The following CACNA1S variants were observed in gnomAD, a reference collection of about 807,000 sequenced individuals.
CACNA1S encodes the protein voltage-dependent L-type calcium channel subunit alpha-1S.
CACNA1S carries 126 observed loss-of-function variants against 207.4 expected under a neutral mutation model. The observed-to-expected ratio is 0.61, with a 90% confidence interval of 0.53 to 0.70. CACNA1S has a LOEUF of 0.70. Among genes scored for constraint, CACNA1S ranks in the 30% least tolerant of loss-of-function variants. CACNA1S has a pLI of 0.00. For synonymous variants in CACNA1S, 960 were observed against 932.7 expected (o/e 1.03, Z -0.53); for missense variants, 2,349 against 2,422.8 (o/e 0.97, Z 0.64).
Position 201,051,116 on chromosome 1 carries a change from C to G in CACNA1S, c.3981G>C (p.Glu1327Asp). Residue 1327 changes from glutamate (E) to aspartate (D), a missense_variant, in exon 33 of 44, where the codon GAG becomes GAC. Glu to Asp is a conservative substitution (Grantham distance 45, BLOSUM62 2). Transcript: ENST00000362061. ...FRCATGEAWQ[E>D]ILLACSYGKL... Reference sequence around the variant, plus strand: ...TCCCATAGCTGCAGGCCAGTAGGATCTCCTGCCAGGCCTCACCTGTTGCAC... The same window carrying G: ...TCCCATAGCTGCAGGCCAGTAGGATGTCCTGCCAGGCCTCACCTGTTGCAC... 2.5e-6 allele frequency: 4 copies of G among 1,614,244 alleles called. No homozygotes were observed. Among genetic ancestry groups the G allele is most frequent in the Non-Finnish European group, 3.4e-6 (4 of 1,180,040 alleles).
intron 2 of CACNA1S, among the ~76,000 whole-genome samples, chr1:201,102,332 A>G (rs974229989): frequency 3.9e-5 from 6 of 152,170 alleles, no homozygotes; most frequent in African/African-American, 1.2e-4. Flanking sequence ...GGCTTCCCAC[A>G]TACAACCACT....
intron 28 of CACNA1S, among the ~76,000 whole-genome samples, chr1:201,054,985 CG>C (rs1660788928): frequency 1.3e-5 from 2 of 152,286 alleles, no homozygotes; most frequent in South Asian, 4.1e-4. Flanking sequence ...GGCCAGGGTC[CG>C]GGCCCCTGTG....
rs7549030 is a variant in CACNA1S, at chr1:201,076,897, G to T, written c.1827+23C>A. On this transcript the variant is annotated intron_variant, in intron 12 of 43. Transcript: ENST00000362061. ...GGATTCAGCAACCGTTCAGAAGGAG[G>T]GACACGCAGAGGGAGAGCCTACCTG... 0.067 allele frequency: 107,121 copies of T among 1,602,156 alleles called. 3,968 individuals carry two copies. Among genetic ancestry groups the T allele is most frequent in the African/African-American group, 0.079 (5,931 of 74,836 alleles).
intron 2 of CACNA1S, among the ~76,000 whole-genome samples, chr1:201,108,275 CA>C (rs1307741788): frequency 1.3e-5 from 2 of 151,936 alleles, no homozygotes; most frequent in East Asian, 3.9e-4. Context: ...CCCGCTAATT[CA>C]ATTTTTGTAG....
At chr1:201,052,393 G>A (rs1220039650) in intron 32 of CACNA1S, among the ~76,000 whole-genome samples, 164 bp downstream of exon 32, 4 of 152,142 alleles carry the variant, frequency 2.6e-5, no homozygotes, top group African/African-American at 7.2e-5. Context: ...AGGCAGTGAC[G>A]GCAGAGCATG....
intron 13 of CACNA1S, among the ~76,000 whole-genome samples, chr1:201,074,945 G>A (rs1304802493): frequency 3.9e-5 from 6 of 152,188 alleles, no homozygotes; most frequent in South Asian, 2.1e-4. Flanking sequence ...GGGGAACAAC[G>A]GTGCCCTTCC....
intron 10 of CACNA1S, among the ~76,000 whole-genome samples, chr1:201,078,326 A>G (rs938532061): frequency 6.6e-6 from 1 of 151,938 alleles, no homozygotes; most frequent in Non-Finnish European, 1.5e-5. Flanking sequence ...GGATCAAGTG[A>G]TCCTCCCCAC....
chr1:201,060,878 A>G, intron 25 of CACNA1S, 62 bp from the exon 26 acceptor site: 2 of 1,598,840 alleles, frequency 1.3e-6, no homozygotes, highest in Non-Finnish European at 1.7e-6. Context: ...CTCCACACCC[A>G]CATCCATGGG....
intron 28 of CACNA1S, among the ~76,000 whole-genome samples, chr1:201,056,040 AAC>A (rs367570154): frequency 3.4e-5 from 5 of 145,464 alleles, no homozygotes; most frequent in Admixed American, 1.4e-4. Context: ...GGAAATACAC[AAC>A]ACACACACAC....
rs372383822 is a variant in CACNA1S at position 201,049,091 on chromosome 1, A to T, written c.4250T>A (p.Ile1417Asn). 3.1e-5 allele frequency: 50 copies of T among 1,611,520 alleles called. No individual in the cohort carries two copies. Among genetic ancestry groups the T allele is most frequent in the Admixed American group, 1.7e-5 (1 of 59,798 alleles). ...AEYDPEAKGR[I>N]KHLDVVTLLR... Reference sequence around the variant, plus strand: ...CAGGGTCACCACGTCCAGGTGTTTGATTCTCCCCCTGCGGGAGGACACACA... The same window carrying T: ...CAGGGTCACCACGTCCAGGTGTTTGTTTCTCCCCCTGCGGGAGGACACACA... The change falls in exon 35 of 44, where the codon ATC becomes AAC. Residue 1417 changes from isoleucine to asparagine, a missense_variant. Transcript: ENST00000362061.
intron 2 of CACNA1S, among the ~76,000 whole-genome samples, chr1:201,106,513 T>C (rs1346531821): frequency 6.6e-5 from 10 of 152,130 alleles, no homozygotes; most frequent in Non-Finnish European, 1.2e-4. Flanking sequence ...GGGGGCCCAG[T>C]ACAAGTGAAA....
Position 201,089,356 on chromosome 1 carries a change from GCCCTGGCCAGC to G in CACNA1S, c.791_801del (p.Gly264AlafsTer29). On this transcript the variant is annotated frameshift_variant, in exon 6 of 44. Transcript: ENST00000362061. LOFTEE classifies it high-confidence loss of function. The stretch of plus-strand genomic sequence containing the variant: ...TCGAAGTGGGTGATGCCATGGTTGG[GCCCTGGCCAGC>G]CGCCCCGGCACTCACTGCCATTGAT... 1 of 1,614,236 alleles carries G rather than the reference GCCCTGGCCAGC, an allele frequency of 6.2e-7. No individual in the cohort carries two copies. Among genetic ancestry groups the G allele is most frequent in the Non-Finnish European group, 8.5e-7 (1 of 1,180,046 alleles).
chr1:201,040,053 CA>C lies in CACNA1S; in HGVS notation c.5399del (p.Leu1800TrpfsTer34). 1 of 1,614,200 alleles carries C rather than the reference CA, an allele frequency of 6.2e-7. No individual in the cohort carries two copies. The highest frequency in any genetic ancestry group is 1.7e-4 in the Middle Eastern group (1 of 6,060). On this transcript the variant is annotated frameshift_variant, in exon 44 of 44. Transcript: ENST00000362061. LOFTEE classifies it low-confidence loss of function (END_TRUNC). ...KALVRGGLGT[L>X]AADANFIMAT... is the part of the protein sequence containing the mutation. ...CCATGATGAAGTTTGCATCAGCTGCCAAGGTGCCCAGGCCCCCTCGAACCAG... is the reference window on the plus strand; with the variant it reads ...CCATGATGAAGTTTGCATCAGCTGCCAGGTGCCCAGGCCCCCTCGAACCAG...
At chr1:201,071,359 C>T (rs573893192) in intron 16 of CACNA1S, among the ~76,000 whole-genome samples, 1 of 152,138 alleles carries the variant, frequency 6.6e-6, no homozygotes, top group African/African-American at 2.4e-5. Context: ...AGTGTCCTAA[C>T]GTGACACTTT....
chr1:201,041,859 A>G, intron 40 of CACNA1S: 1 of 525,262 alleles, frequency 1.9e-6, no homozygotes, highest in South Asian at 2.0e-5. Context: ...TCCAAGGCCC[A>G]GCTGCAGCCT....
intron 5 of CACNA1S, among the ~76,000 whole-genome samples, chr1:201,090,865 AG>A (rs1368484820): frequency 1.3e-5 from 2 of 152,244 alleles, no homozygotes; most frequent in Non-Finnish European, 2.9e-5. Flanking sequence ...AGTGTAAAAT[AG>A]CGTCACCACT....
At position 201,085,468 on chromosome 1, in the gene CACNA1S, C is replaced by A. The variant is rs746722828; in HGVS notation, c.1118G>T (p.Gly373Val). The change falls in exon 8 of 44, where the codon GGC becomes GTC. Residue 373 changes from glycine to valine, a missense_variant. Transcript: ENST00000362061. Reference sequence around the variant, plus strand: ...GAAGTCCTCAACATCCATGACCTCGCCCTGCGTGATCCAGCTCATGTAGCC... The same window carrying A: ...GAAGTCCTCAACATCCATGACCTCGACCTGCGTGATCCAGCTCATGTAGCC... ...LRGYMSWITQ[G>V]EVMDVEDFRE... 1.2e-6 allele frequency: 2 copies of A among 1,613,406 alleles called. No individual in the cohort carries two copies. Among genetic ancestry groups the A allele is most frequent in the Admixed American group, 3.3e-5 (2 of 59,864 alleles).
At chr1:201,108,079 G>A (rs994462197) in intron 2 of CACNA1S, among the ~76,000 whole-genome samples, 1 of 151,566 alleles carries the variant, frequency 6.6e-6, no homozygotes. Flanking sequence ...TTTCAGGATG[G>A]AAGATGACAT....
intron 6 of CACNA1S, among the ~76,000 whole-genome samples, chr1:201,088,824 A>G (rs1325644032): frequency 2.6e-5 from 4 of 152,224 alleles, no homozygotes; most frequent in Admixed American, 6.5e-5. Context: ...TCTGATATAG[A>G]CAGTATTATT....
Sources: allele counts gnomAD v4.1 joint callset (sites outside exome capture counted in the v4.1 genomes callset), GRCh38; gene constraint gnomAD v4.1.1; transcripts MANE v1.5; gene names NCBI Gene and HGNC (gene_info 2026-07-23, HGNC 2026-07-21).